USP6NL: variants seen among roughly 807,000 people sequenced by gnomAD.
USP6NL encodes the protein USP6 N-terminal-like protein.
In USP6NL, 26 loss-of-function variants were observed where a neutral mutation model predicts 61.9. That is an observed-to-expected ratio of 0.42 (90% CI 0.31 to 0.58). USP6NL has a LOEUF of 0.58. USP6NL is among the 20% of genes least tolerant of loss of function. The probability of loss-of-function intolerance (pLI) is 0.16; values close to 1 mark genes in which losing one functional copy is unlikely to be tolerated. For missense variants in USP6NL, 1,114 were observed against 1,034.3 expected (o/e 1.08, Z -1.06); for synonymous variants, 432 against 390.1 (o/e 1.11, Z -1.27).
chr10:11,570,944 G>T (rs17150561), intron 2 of USP6NL, among the ~76,000 whole-genome samples: 18,179 of 152,094 alleles, frequency 0.12, 1,659 homozygotes, highest in East Asian at 0.43. Flanking sequence ...GACAGCCTCA[G>T]GTCAAAACAC....
chr10:11,562,268 A>G lies in USP6NL; in HGVS notation c.5-34701T>C, dbSNP rs1566182604. ...CAGTGCAAGACTCCATCTCAAAAAA[A>G]AAAAAAAAAAATTGCATTCCCAGGA... On this transcript the variant is annotated intron_variant, in intron 2 of 14. Transcript: ENST00000609104. This position sits in a 1 kb window ranked among gnomAD's most constrained non-coding sequence, Gnocchi z 4.8. The G allele has an allele frequency of 1.6e-6, 1 of 640,988 alleles. No homozygotes were observed. Among genetic ancestry groups the G allele is most frequent in the Admixed American group, 6.3e-5 (1 of 15,824 alleles). The allele number at this position is 640,988 out of a possible 1,614,324, so 39.7% of individuals were successfully genotyped here.
At chr10:11,576,735 T>C (rs544502754) in intron 2 of USP6NL, among the ~76,000 whole-genome samples, 5 of 152,362 alleles carry the variant, frequency 3.3e-5, no homozygotes, top group African/African-American at 7.2e-5. Context: ...CTACATCCCA[T>C]TGGTTAAATT....
At chr10:11,572,307 T>C (rs1837393348) in intron 2 of USP6NL, among the ~76,000 whole-genome samples, 1 of 152,060 alleles carries the variant, frequency 6.6e-6, no homozygotes, top group Non-Finnish European at 1.5e-5. Flanking sequence ...TATTTAGAGA[T>C]GGGAATGTAG....
chr10:11,539,244 TG>T (rs1037600376), intron 2 of USP6NL, among the ~76,000 whole-genome samples: 1 of 152,210 alleles, frequency 6.6e-6, no homozygotes, highest in Non-Finnish European at 1.5e-5. Context: ...GGCCCAGGCT[TG>T]TTGGCTGTGT....
chr10:11,607,580 G>A (rs987627977), intron 1 of USP6NL, among the ~76,000 whole-genome samples: 1 of 152,152 alleles, frequency 6.6e-6, no homozygotes, highest in African/African-American at 2.4e-5. Context: ...CAGTTACCTG[G>A]GAGGGTGAGG....
rs1470047288 is a variant in USP6NL, at chr10:11,490,943, C to A, written c.495-63G>T. The stretch of plus-strand genomic sequence containing the variant: ...TTTCACATATTTTAAAAATTACAAA[C>A]TTAAAAAAATAAACCAAAGACTGAC... On this transcript the variant is annotated intron_variant, in intron 8 of 14. Coordinates refer to ENST00000609104, the MANE Select transcript of USP6NL (RefSeq NM_014688.5). This position sits in a 1 kb window ranked among gnomAD's most constrained non-coding sequence, Gnocchi z 4.5. The A allele has an allele frequency of 1.4e-6, 2 of 1,400,408 alleles. No homozygotes were observed. Among genetic ancestry groups the A allele is most frequent in the South Asian group, 1.4e-5 (1 of 71,734 alleles). The allele number at this position is 1,400,408 out of a possible 1,614,324, so 86.7% of individuals were successfully genotyped here. A position where few individuals can be genotyped will look rare whatever the true frequency, so the allele number is the denominator to read the frequency against.
At chr10:11,555,436 AT>A (rs1836662874) in intron 2 of USP6NL, among the ~76,000 whole-genome samples, 1 of 70,428 alleles carries the variant, frequency 1.4e-5, no homozygotes, top group African/African-American at 7.2e-5. Flanking sequence ...AAAAAAAAAT[AT>A]ATATATATAT....
chr10:11,558,574 T>TA (rs904343260), intron 2 of USP6NL, among the ~76,000 whole-genome samples: 4 of 152,282 alleles, frequency 2.6e-5, no homozygotes, highest in Admixed American at 2.6e-4. Context: ...ATTCCAAGCA[T>TA]ACCTCCTACC....
At chr10:11,542,621 A>C (rs1156867108) in intron 2 of USP6NL, among the ~76,000 whole-genome samples, 1 of 152,200 alleles carries the variant, frequency 6.6e-6, no homozygotes, top group Non-Finnish European at 1.5e-5. Context: ...CAGGAGGCAG[A>C]GGCAGGAGAA....
At position 11,463,110 on chromosome 10, in the gene USP6NL, T is replaced by G. The variant is rs772001283; in HGVS notation, c.1818A>C (p.Lys606Asn). The G allele has an allele frequency of 2.5e-6, 4 of 1,613,916 alleles. No homozygotes were observed. The South Asian group carries it at 4.4e-5, about 18-fold the overall frequency. The change falls in exon 15 of 15, where the codon AAA (lysine) becomes AAC (asparagine). Residue 606 changes from lysine (K) to asparagine (N), a missense_variant. By Grantham distance (94) the Lys-to-Asn change is moderately conservative. Transcript: ENST00000609104. This position sits in a 1 kb window ranked among gnomAD's most constrained non-coding sequence, Gnocchi z 6.3. The stretch of plus-strand genomic sequence containing the variant: ...ATCGTGCATGACTTGGAGGCTGTAC[T>G]TTAAAAGTAAACTTGTTGGATACTT... ...PSKVSNKFTF[K>N]VQPPSHARYP...
In USP6NL at chr10:11,518,645, T is replaced by A; in HGVS notation, c.156-71A>T. 1.8e-6 allele frequency: 2 copies of A among 1,116,914 alleles called. No homozygotes were observed. Among genetic ancestry groups the A allele is most frequent in the Non-Finnish European group, 2.7e-6 (2 of 745,928 alleles). The allele number at this position is 1,116,914 out of a possible 1,614,324, so 69.2% of individuals were successfully genotyped here. ...AAACTTTTAAAAGCTTATATACTTA[T>A]AGATACATATGACATACAATATTTA... On this transcript the variant is annotated intron_variant, in intron 4 of 14. Coordinates refer to ENST00000609104, the MANE Select transcript of USP6NL (RefSeq NM_014688.5). The surrounding 1 kb of genome is among the most constrained non-coding windows in gnomAD (Gnocchi z 5.3).
chr10:11,471,892 G>A (rs1025446416), intron 14 of USP6NL, among the ~76,000 whole-genome samples: 2 of 151,320 alleles, frequency 1.3e-5, no homozygotes, highest in Non-Finnish European at 2.9e-5. Context: ...GAGTTAATGG[G>A]TGCAGCACAC....
Position 11,587,400 on chromosome 10 carries a change from C to T in USP6NL, c.4+10231G>A, listed in dbSNP as rs186781795. The stretch of plus-strand genomic sequence containing the variant: ...TTCCAAGTTAATCTTCTAGCTTTCA[C>T]TATCCCTTGCAATTATTAAACTTTT... On this transcript the variant is annotated intron_variant, in intron 2 of 14. Coordinates refer to ENST00000609104, the MANE Select transcript of USP6NL (RefSeq NM_014688.5). This position sits in a 1 kb window ranked among gnomAD's most constrained non-coding sequence, Gnocchi z 4.5. Among the ~76,000 whole-genome samples the T allele has an allele frequency of 7.0e-4, 106 of 152,032 alleles. No individual in the cohort carries two copies. The highest frequency in any genetic ancestry group is 2.2e-3 in the African/African-American group (93 of 41,514).
intron 2 of USP6NL, among the ~76,000 whole-genome samples, chr10:11,571,444 G>A (rs538116145): frequency 5.3e-5 from 8 of 152,016 alleles, no homozygotes; most frequent in South Asian, 4.1e-4. Context: ...TGTTTCTATC[G>A]CATACCAAGG....
chr10:11,600,030 G>A lies in USP6NL; in HGVS notation c.-83-2313C>T, dbSNP rs953609146. Among the ~76,000 whole-genome samples, 1 of 152,062 alleles carries A rather than the reference G, an allele frequency of 6.6e-6. No individual in the cohort carries two copies. Among genetic ancestry groups the A allele is most frequent in the Non-Finnish European group, 1.5e-5 (1 of 68,020 alleles). On this transcript the variant is annotated intron_variant, in intron 1 of 14. Coordinates refer to ENST00000609104, the MANE Select transcript of USP6NL (RefSeq NM_014688.5). The surrounding 1 kb of genome is among the most constrained non-coding windows in gnomAD (Gnocchi z 4.1). Reference sequence around the variant, plus strand: ...AACAAGGTAGTTGAGCAGCACACAGGAGAAAATGTTTAGACTCCCTTTCTC... The same window carrying A: ...AACAAGGTAGTTGAGCAGCACACAGAAGAAAATGTTTAGACTCCCTTTCTC...
chr10:11,538,514 T>C (rs1835927418), intron 2 of USP6NL, among the ~76,000 whole-genome samples: 1 of 152,214 alleles, frequency 6.6e-6, no homozygotes, highest in Non-Finnish European at 1.5e-5. Context: ...GCTCATTAAA[T>C]ATTTCTTGAA....
chr10:11,498,690 G>C (rs1012094423), intron 7 of USP6NL, among the ~76,000 whole-genome samples: 1 of 152,052 alleles, frequency 6.6e-6, no homozygotes, highest in Non-Finnish European at 1.5e-5. Flanking sequence ...GCAATATGAA[G>C]CTTCAAGTTA....
Position 11,591,823 on chromosome 10 carries a change from TAA to T in USP6NL, c.4+5806_4+5807del, listed in dbSNP as rs1041384176. ...CCAAAAAATTTTTAACTTAAATATA[TAA>T]GACTATATTAAATTCATATTTAATT... On this transcript the variant is annotated intron_variant, in intron 2 of 14. Coordinates refer to ENST00000609104, the MANE Select transcript of USP6NL (RefSeq NM_014688.5). This position sits in a 1 kb window ranked among gnomAD's most constrained non-coding sequence, Gnocchi z 4.7. 4.6e-5 allele frequency among the ~76,000 whole-genome samples: 7 copies of T among 152,186 alleles called. No individual in the cohort carries two copies. Among genetic ancestry groups the T allele is most frequent in the African/African-American group, 7.2e-5 (3 of 41,446 alleles).
chr10:11,577,329 G>A (rs1049179541), intron 2 of USP6NL, among the ~76,000 whole-genome samples: 1 of 152,032 alleles, frequency 6.6e-6, no homozygotes, highest in African/African-American at 2.4e-5. Flanking sequence ...CTCCCAAAGT[G>A]CTGGGATTAC....
Sources: gnomAD v4.1 joint callset for allele counts (sites outside exome capture counted in the v4.1 genomes callset) on GRCh38, gnomAD v4.1.1 for gene constraint, Gnocchi (gnomAD v3.1) non-coding constraint, MANE v1.5 for transcripts, NCBI Gene and HGNC (gene_info 2026-07-23, HGNC 2026-07-21) for gene names.